VRK2: variants seen among roughly 807,000 people sequenced by gnomAD.
The protein encoded by VRK2 is VRK serine/threonine kinase 2.
A neutral mutation model predicts 57.6 loss-of-function variants in VRK2; 60 were observed. The observed-to-expected ratio is 1.04, with a 90% CI of 0.85 to 1.29. VRK2 has a LOEUF of 1.29. Ranked by LOEUF, VRK2 falls within the 50% of genes most tolerant of loss-of-function variation. VRK2 has a pLI of 0.00. For missense variants in VRK2, 705 were observed against 588.1 expected (o/e 1.20, Z -2.06); for synonymous variants, 231 against 199.2 (o/e 1.16, Z -1.35).
At chr2:57,942,550 G>A (rs2103959282) in intron 1 of VRK2, among the ~76,000 whole-genome samples, 1 of 148,348 alleles carries the variant, frequency 6.7e-6, no homozygotes, top group South Asian at 2.2e-4. Flanking sequence ...AAAAAAAAGG[G>A]GCATTTCTAT....
rs544810988 is a variant in VRK2 at position 57,948,312 on chromosome 2, C to G, written c.-439+40473C>G. Among the ~76,000 whole-genome samples the G allele has an allele frequency of 2.6e-5, 4 of 152,290 alleles. No homozygotes were observed. The South Asian group carries it at 8.3e-4, about 32-fold the overall frequency. On this transcript the variant is annotated intron_variant, in intron 1 of 15. Transcript: ENST00000417641. ...TCTGTCCTCATTAACTGCTGCCATA[C>G]TTATTTAGTTGACCACATCAGTGTC...
chr2:57,965,723 C>T (rs1379747887), intron 1 of VRK2, among the ~76,000 whole-genome samples: 7 of 152,266 alleles, frequency 4.6e-5, no homozygotes, highest in East Asian at 1.9e-4. Context: ...GGCTACCTCA[C>T]GTTCAGCTTA....
chr2:57,926,869 T>G (rs1399124343), intron 1 of VRK2, among the ~76,000 whole-genome samples: 1 of 152,050 alleles, frequency 6.6e-6, no homozygotes, highest in African/African-American at 2.4e-5. Flanking sequence ...ATGTTCTTAT[T>G]TATAAGTAAA....
chr2:58,116,493 G>A (rs1676511839), intron 7 of VRK2, among the ~76,000 whole-genome samples: 2 of 152,108 alleles, frequency 1.3e-5, no homozygotes. Flanking sequence ...AGGTTTAGAA[G>A]CCTGGCTGTC....
chr2:58,135,102 G>T (rs759595941), intron 9 of VRK2, 39 bp from the exon 10 acceptor site: 1 of 1,608,440 alleles, frequency 6.2e-7, no homozygotes, highest in African/African-American at 1.3e-5. Context: ...TCACAGGGTT[G>T]AAAACATGTT....
intron 10 of VRK2, among the ~76,000 whole-genome samples, chr2:58,138,535 A>C (rs1173420932): frequency 1.3e-5 from 2 of 152,150 alleles, no homozygotes; most frequent in Admixed American, 1.3e-4. Flanking sequence ...TAACTTTAAT[A>C]GGGGGAAAGC....
intron 3 of VRK2, 101 bp downstream of exon 3, chr2:58,084,239 C>T: frequency 1.7e-6 from 2 of 1,203,110 alleles, no homozygotes; most frequent in Admixed American, 2.3e-5. Context: ...ATTGCCTTAT[C>T]AGTAAACCTA....
intron 12 of VRK2, among the ~76,000 whole-genome samples, chr2:58,157,487 A>T (rs1383616381): frequency 6.6e-6 from 1 of 152,106 alleles, no homozygotes; most frequent in Non-Finnish European, 1.5e-5. Flanking sequence ...GAAATTGCTA[A>T]ATGTCCTCTG....
At chr2:58,127,634 C>T (rs1377311188) in intron 8 of VRK2, among the ~76,000 whole-genome samples, 1 of 152,142 alleles carries the variant, frequency 6.6e-6, no homozygotes, top group African/African-American at 2.4e-5. Flanking sequence ...TAAGAATAGA[C>T]TTTAAATTTG....
intron 1 of VRK2, among the ~76,000 whole-genome samples, chr2:57,910,355 A>T (rs923141356): frequency 6.6e-6 from 1 of 151,994 alleles, no homozygotes; most frequent in African/African-American, 2.4e-5. Flanking sequence ...CTGGATTATG[A>T]CAATAAAACA....
intron 1 of VRK2, among the ~76,000 whole-genome samples, chr2:57,935,187 C>T (rs1235468999): frequency 6.6e-6 from 1 of 152,166 alleles, no homozygotes; most frequent in Non-Finnish European, 1.5e-5. Context: ...TTTGAGGAAA[C>T]AACCACCTTC....
chr2:58,108,641 G>A (rs528227627), intron 7 of VRK2, among the ~76,000 whole-genome samples: 1 of 152,228 alleles, frequency 6.6e-6, no homozygotes, highest in South Asian at 2.1e-4. Flanking sequence ...GGAAGTCTTA[G>A]AAATTATTCA....
intron 2 of VRK2, among the ~76,000 whole-genome samples, chr2:58,075,226 A>G (rs370747627): frequency 6.6e-6 from 1 of 151,926 alleles, no homozygotes; most frequent in East Asian, 1.9e-4. Context: ...ACACGATCTG[A>G]TTCTTTTTTA....
chr2:58,038,178 T>C (rs750653575), intron 3 of VRK2, among the ~76,000 whole-genome samples: 31 of 152,030 alleles, frequency 2.0e-4, no homozygotes, highest in African/African-American at 3.6e-4. Flanking sequence ...TGGGAGGTGA[T>C]TGGATCATGG....
In VRK2 at chr2:58,083,238, T is replaced by C. The variant is rs548225001; in HGVS notation, c.137-851T>C. On this transcript the variant is annotated intron_variant, in intron 2 of 12. Transcript: ENST00000340157. ...CTTCTTGATAAATATTTTAGCTATTTAAATGAGTAAAGGAATGAATGGATG... is the reference window on the plus strand; with the variant it reads ...CTTCTTGATAAATATTTTAGCTATTCAAATGAGTAAAGGAATGAATGGATG... Among the ~76,000 whole-genome samples, 98 of 151,894 alleles carry C rather than the reference T, an allele frequency of 6.5e-4. 2 individuals are homozygous for C. The South Asian group carries it at 0.02, about 31-fold the overall frequency.
At position 58,159,813 on chromosome 2, in the gene VRK2, A is replaced by T; in HGVS notation, c.*120A>T. The T allele has an allele frequency of 6.2e-6, 10 of 1,611,904 alleles. No individual in the cohort carries two copies. Among genetic ancestry groups the T allele is most frequent in the Non-Finnish European group, 8.5e-6 (10 of 1,179,234 alleles). ...TTAAGGTAATTGGCTTTAAAAAGAG[A>T]ACATATTTTAACAAAGTTTGTGGAC... is the stretch of plus-strand genomic sequence containing the variant. On this transcript the variant is annotated 3_prime_UTR_variant, in exon 13 of 13. Coordinates refer to ENST00000340157, the MANE Select transcript of VRK2 (RefSeq NM_006296.7).
Position 58,038,946 on chromosome 2 carries a change from T to C in VRK2, c.-6+5393T>C, listed in dbSNP as rs543121234. 2.1e-3 allele frequency among the ~76,000 whole-genome samples: 326 copies of C among 152,124 alleles called. 2 individuals carry two copies. The highest frequency in any genetic ancestry group is 7.6e-3 in the African/African-American group (316 of 41,504). ...GAATAAAACAAAAAAACCCTAAATA[T>C]CCATCTAAATAAAAACGATTAAATG... On this transcript the variant is annotated intron_variant, in intron 3 of 15. Coordinates refer to the VRK2 transcript ENST00000417641.
At chr2:58,086,224 C>A (rs1463570611) in intron 4 of VRK2, 115 bp from the exon 5 acceptor site, 1 of 864,272 alleles carries the variant, frequency 1.2e-6, no homozygotes. Flanking sequence ...AAAAAATTAT[C>A]TTCTAGGAAG....
intron 7 of VRK2, among the ~76,000 whole-genome samples, chr2:58,101,693 G>C (rs184655986): frequency 2.6e-5 from 4 of 151,698 alleles, no homozygotes; most frequent in Non-Finnish European, 4.4e-5. Context: ...CATAGCCTCT[G>C]TCTGACTCAC....
Sources: allele counts gnomAD v4.1 joint callset (sites outside exome capture counted in the v4.1 genomes callset), GRCh38; gene constraint gnomAD v4.1.1; transcripts MANE v1.5; gene names NCBI Gene and HGNC (gene_info 2026-07-23, HGNC 2026-07-21).